The following CEP44 variants were observed in gnomAD, a reference collection of about 807,000 sequenced individuals.
CEP44 encodes centrosomal protein of 44 kDa.
Under a neutral mutation model 46.7 loss-of-function variants are expected in CEP44, and 45 were observed. That is an observed-to-expected ratio of 0.96 (90% CI 0.76 to 1.24). The LOEUF (loss-of-function observed/expected upper bound fraction) is 1.24. CEP44 is among the 50% of genes most tolerant of loss of function. CEP44 has a pLI of 0.00. For missense variants in CEP44, 475 were observed against 459.7 expected (o/e 1.03, Z -0.30); for synonymous variants, 142 against 146.0 (o/e 0.97, Z 0.20).
intron 9 of CEP44, among the ~76,000 whole-genome samples, chr4:174,313,672 G>T (rs1246879934): frequency 6.6e-6 from 1 of 152,134 alleles, no homozygotes; most frequent in African/African-American, 2.4e-5. Context: ...AATAATGAGG[G>T]TCTCTACTAA....
chr4:174,295,524 G>A (rs954737236), intron 1 of CEP44, among the ~76,000 whole-genome samples: 4 of 150,328 alleles, frequency 2.7e-5, no homozygotes, highest in African/African-American at 9.8e-5. Context: ...AGGCAGAGGG[G>A]CTCCTCACGT....
rs891753587 is a variant in CEP44 at position 174,326,891 on chromosome 4, G to A, written c.1087-4591G>A. On this transcript the variant is annotated intron_variant, in intron 8 of 8. Coordinates refer to the CEP44 transcript ENST00000426172. This position sits in a 1 kb window ranked among gnomAD's most constrained non-coding sequence, Gnocchi z 4.8. The stretch of plus-strand genomic sequence containing the variant: ...GTTATTTTTATCTTTGTTTCTTTAT[G>A]GAATCTGTCTTTTTTTACTTTGTCT... Among the ~76,000 whole-genome samples, 6 of 151,506 alleles carry A rather than the reference G, an allele frequency of 4.0e-5. No individual in the cohort carries two copies. The highest frequency in any genetic ancestry group is 1.5e-4 in the African/African-American group (6 of 41,302).
At position 174,319,588 on chromosome 4, in the gene CEP44, TCTC is replaced by T. The variant is rs1742109723; in HGVS notation, c.*2208_*2210del. 1.3e-6 allele frequency: 1 copy of T among 743,260 alleles called. No homozygotes were observed. Among genetic ancestry groups the T allele is most frequent in the Non-Finnish European group, 1.6e-6 (1 of 608,982 alleles). 46.0% of individuals were successfully genotyped at this position (743,260 alleles called of 1,614,324 possible). ...GAGAAGGGACTTAAAACATTTCTAA[TCTC>T]CTAGTTTATATACAGTGTGCAAAAT... is the stretch of plus-strand genomic sequence containing the variant. On this transcript the variant is annotated 3_prime_UTR_variant, in exon 12 of 12. Transcript: ENST00000503780.
At chr4:174,295,440 A>G (rs1311507148) in intron 1 of CEP44, among the ~76,000 whole-genome samples, 2 of 146,740 alleles carry the variant, frequency 1.4e-5, no homozygotes, top group East Asian at 2.1e-4. Context: ...GGTGGCCAGG[A>G]AGAGGCGCTC....
chr4:174,303,637 C>T, intron 4 of CEP44, 66 bp from the exon 5 acceptor site: 3 of 1,009,854 alleles, frequency 3.0e-6, no homozygotes, highest in East Asian at 2.5e-5. Flanking sequence ...ACCAGGTGGG[C>T]ATTATCATTT....
In CEP44 at chr4:174,317,881, T is replaced by A; in HGVS notation, c.*498T>A. 2.0e-6 allele frequency: 2 copies of A among 985,668 alleles called. No homozygotes were observed. The highest frequency in any genetic ancestry group is 2.4e-6 in the Non-Finnish European group (2 of 829,866). 61.1% of individuals were successfully genotyped at this position (985,668 alleles called of 1,614,324 possible). ...ATTAAATAAAACAAAAAGGCAGTTA[T>A]TTCATGCTTGGTCAAAAACATCAAT... is the stretch of plus-strand genomic sequence containing the variant. On this transcript the variant is annotated 3_prime_UTR_variant, in exon 12 of 12. Transcript: ENST00000503780.
chr4:174,326,417 CT>C lies in CEP44; in HGVS notation c.1087-5061del, dbSNP rs558389741. ...AACATAAGAGCCTTACGATAATATA[CT>C]TTTCATTCTTTCTGCGCCCGCCAAG... On this transcript the variant is annotated intron_variant, in intron 8 of 8. Transcript: ENST00000426172. The surrounding 1 kb of genome is among the most constrained non-coding windows in gnomAD (Gnocchi z 4.8). 3.8e-3 allele frequency among the ~76,000 whole-genome samples: 575 copies of C among 152,084 alleles called. 2 individuals carry two copies. The highest frequency in any genetic ancestry group is 0.017 in the Middle Eastern group (5 of 294).
intron 6 of CEP44, among the ~76,000 whole-genome samples, chr4:174,308,000 C>G (rs1281056369): frequency 1.3e-5 from 2 of 152,122 alleles, no homozygotes; most frequent in African/African-American, 2.4e-5. Flanking sequence ...CATTTATACA[C>G]TGTTGGTGGG....
intron 9 of CEP44, among the ~76,000 whole-genome samples, chr4:174,313,789 A>G (rs950935243): frequency 6.6e-6 from 1 of 152,162 alleles, no homozygotes; most frequent in Admixed American, 6.6e-5. Flanking sequence ...GAAGGAGAGT[A>G]AGGAAGGTAA....
In CEP44 at chr4:174,316,187, G is replaced by C; in HGVS notation, c.983G>C (p.Arg328Thr). Reference sequence around the variant, plus strand: ...ACAGACAGAAAAAGCGAAGTAGAGAGGCCAGCAAGTATTCCTCTGTCCTCT... The same window carrying C: ...ACAGACAGAAAAAGCGAAGTAGAGACGCCAGCAAGTATTCCTCTGTCCTCT... ...LNPHRKSEVERPASIPLSSGY... is the reference protein window; with the variant it reads ...LNPHRKSEVETPASIPLSSGY... The change falls in exon 10 of 12, where the codon AGG becomes ACG. Residue 328 changes from arginine to threonine, a missense_variant. Transcript: ENST00000503780. 1 of 1,613,542 alleles carries C rather than the reference G, an allele frequency of 6.2e-7. No individual in the cohort carries two copies. The highest frequency in any genetic ancestry group is 8.5e-7 in the Non-Finnish European group (1 of 1,179,880).
Position 174,305,395 on chromosome 4 carries a change from A to G in CEP44, c.507+1026A>G, listed in dbSNP as rs567623688. Among the ~76,000 whole-genome samples, 45 of 152,330 alleles carry G rather than the reference A, an allele frequency of 3.0e-4. No homozygotes were observed. In the South Asian group the frequency reaches 8.5e-3, roughly 29 times the overall value. ...CTTGAACCCTGGAGGCAGAGGTTCC[A>G]GTGAGCCGAGATTGTACTACTGCAG... On this transcript the variant is annotated intron_variant, in intron 6 of 11. Transcript: ENST00000503780.
chr4:174,331,752 C>A lies in CEP44; in HGVS notation c.*157C>A, dbSNP rs549835244. On this transcript the variant is annotated 3_prime_UTR_variant, in exon 9 of 9. Transcript: ENST00000426172. This position sits in a 1 kb window ranked among gnomAD's most constrained non-coding sequence, Gnocchi z 4.5. The stretch of plus-strand genomic sequence containing the variant: ...ATCAAAACTGATGACTTTTTCCTTC[C>A]TGCTACATGGGTAACACTTAGTTGT... 2.1e-6 allele frequency: 2 copies of A among 931,114 alleles called. No individual in the cohort carries two copies. The highest frequency in any genetic ancestry group is 1.7e-5 in the African/African-American group (1 of 60,370). 57.7% of individuals were successfully genotyped at this position (931,114 alleles called of 1,614,324 possible).
At position 174,287,326 on chromosome 4, in the gene CEP44, C is replaced by T. The variant is rs983209942; in HGVS notation, c.-148+3383C>T. On this transcript the variant is annotated intron_variant, in intron 1 of 11. Transcript: ENST00000503780. This position sits in a 1 kb window ranked among gnomAD's most constrained non-coding sequence, Gnocchi z 5.1. The stretch of plus-strand genomic sequence containing the variant: ...GTACCAAGAAGGAAAAGAACTGGGT[C>T]TATTAGAGAAAATTAATGAGGGGGA... 2.6e-5 allele frequency among the ~76,000 whole-genome samples: 4 copies of T among 152,004 alleles called. No individual in the cohort carries two copies. In the South Asian group the frequency reaches 8.3e-4, roughly 32 times the overall value.
chr4:174,302,036 C>CA lies in CEP44; in HGVS notation c.90-2dup. On this transcript the variant is annotated splice_polypyrimidine_tract_variant and splice_region_variant and intron_variant, in intron 3 of 11. Coordinates refer to ENST00000503780, the MANE Select transcript of CEP44 (RefSeq NM_001040157.3). ...AAAAATATTTTTCTTTTTTTCCTAA[C>CA]AGTTTGATAAAGGGAGACCCAGCAG... The CA allele has an allele frequency of 6.3e-7, 1 of 1,581,060 alleles. No individual in the cohort carries two copies. Among genetic ancestry groups the CA allele is most frequent in the South Asian group, 1.2e-5 (1 of 83,590 alleles).
Position 174,299,113 on chromosome 4 carries a change from T to C in CEP44, c.-9T>C, listed in dbSNP as rs747626793. 1.2e-6 allele frequency: 2 copies of C among 1,606,944 alleles called. No homozygotes were observed. Among genetic ancestry groups the C allele is most frequent in the Non-Finnish European group, 1.7e-6 (2 of 1,177,344 alleles). On this transcript the variant is annotated 5_prime_UTR_variant, in exon 3 of 12. The change abolishes an upstream ATG in the 5' untranslated region. Coordinates refer to ENST00000503780, the MANE Select transcript of CEP44 (RefSeq NM_001040157.3). ...TTTCAAGAATTGGAGCTGAATCTGA[T>C]GTTAAGTAATGGCAACAGGTGACTT...
rs538393148 is a variant in CEP44 at position 174,301,883 on chromosome 4, G to T, written c.90-156G>T. ...CTAGACTGGTTTCAAATGGGGAATG[G>T]AATCTAGAAAGTCTCATGTATCACC... On this transcript the variant is annotated intron_variant, in intron 3 of 11. Coordinates refer to ENST00000503780, the MANE Select transcript of CEP44 (RefSeq NM_001040157.3). This position sits in a 1 kb window ranked among gnomAD's most constrained non-coding sequence, Gnocchi z 4.3. 6.6e-6 allele frequency among the ~76,000 whole-genome samples: 1 copy of T among 152,128 alleles called. No individual in the cohort carries two copies. Among genetic ancestry groups the T allele is most frequent in the Non-Finnish European group, 1.5e-5 (1 of 68,002 alleles).
chr4:174,303,610 T>G (rs1579110324), intron 4 of CEP44, 93 bp from the exon 5 acceptor site: 2 of 681,978 alleles, frequency 2.9e-6, no homozygotes, highest in South Asian at 5.3e-5. Flanking sequence ...CTCTCAAAGG[T>G]GGCCATTATT....
Position 174,325,701 on chromosome 4 carries a change from A to G in CEP44, c.1087-5781A>G, listed in dbSNP as rs1177563081. 7.2e-5 allele frequency among the ~76,000 whole-genome samples: 11 copies of G among 152,164 alleles called. No homozygotes were observed. The highest frequency in any genetic ancestry group is 7.2e-4 in the Admixed American group (11 of 15,270). Reference sequence around the variant, plus strand: ...TGTTGAAGTCTCCAACTAGAACTGTAGATGAAGACTAAAAAACTTTTATTT... The same window carrying G: ...TGTTGAAGTCTCCAACTAGAACTGTGGATGAAGACTAAAAAACTTTTATTT... On this transcript the variant is annotated intron_variant, in intron 8 of 8. Transcript: ENST00000426172. This position sits in a 1 kb window ranked among gnomAD's most constrained non-coding sequence, Gnocchi z 4.4.
In CEP44 at chr4:174,319,040, C is replaced by A; in HGVS notation, c.*1657C>A. 1.8e-6 allele frequency: 1 copy of A among 568,288 alleles called. No homozygotes were observed. Among genetic ancestry groups the A allele is most frequent in the Non-Finnish European group, 2.2e-6 (1 of 449,340 alleles). 35.2% of individuals were successfully genotyped at this position (568,288 alleles called of 1,614,324 possible). On this transcript the variant is annotated 3_prime_UTR_variant, in exon 12 of 12. Coordinates refer to ENST00000503780, the MANE Select transcript of CEP44 (RefSeq NM_001040157.3). Reference sequence around the variant, plus strand: ...CCCAGTCTGTTCTCAAACTCGTGAGCTAAAGCTACTCGCCCACCTGGATGT... The same window carrying A: ...CCCAGTCTGTTCTCAAACTCGTGAGATAAAGCTACTCGCCCACCTGGATGT...
Sources: gnomAD v4.1 joint callset for allele counts (sites outside exome capture counted in the v4.1 genomes callset) on GRCh38, gnomAD v4.1.1 for gene constraint, Gnocchi (gnomAD v3.1) non-coding constraint, MANE v1.5 for transcripts, NCBI Gene and HGNC (gene_info 2026-07-23, HGNC 2026-07-21) for gene names.